Variants in ESRRG observed in about 807,000 individuals in gnomAD.
ESRRG encodes estrogen related receptor gamma, also known as estrogen-related receptor gamma.
ESRRG carries 13 observed loss-of-function variants against 44.0 expected under a neutral mutation model. That is an observed-to-expected ratio of 0.30 (90% CI 0.19 to 0.47). The LOEUF is 0.47. Among genes scored for constraint, ESRRG ranks in the 20% least tolerant of loss-of-function variants. ESRRG has a pLI of 1.00. For missense variants in ESRRG, 395 were observed against 580.6 expected (o/e 0.68, Z 3.29); for synonymous variants, 215 against 214.6 (o/e 1.00, Z -0.02).
chr1:216,616,577 A>G (rs1475032779), intron 3 of ESRRG, among the ~76,000 whole-genome samples: 1 of 152,224 alleles, frequency 6.6e-6, no homozygotes, highest in Admixed American at 6.5e-5. Context: ...CAGGCTTGCC[A>G]ACTGGCTGCA....
chr1:216,986,708 T>G (rs368708062), intron 1 of ESRRG, among the ~76,000 whole-genome samples: 1 of 151,686 alleles, frequency 6.6e-6, no homozygotes, highest in Non-Finnish European at 1.5e-5. Flanking sequence ...GCCTGGGCAA[T>G]AGAGAGAGAC....
At chr1:216,933,425 G>A (rs1156271890) in intron 2 of ESRRG, among the ~76,000 whole-genome samples, 3 of 151,248 alleles carry the variant, frequency 2.0e-5, no homozygotes, top group Admixed American at 6.6e-5. Flanking sequence ...TTAAGAACTG[G>A]CTCTCAAATG....
intron 2 of ESRRG, among the ~76,000 whole-genome samples, chr1:216,742,580 C>T (rs560005438): frequency 6.6e-6 from 1 of 151,906 alleles, no homozygotes; most frequent in East Asian, 1.9e-4. Flanking sequence ...CTCCATCCGA[C>T]CCTTTCATAC....
intron 1 of ESRRG, chr1:217,078,145 G>A (rs2091471781): frequency 6.6e-6 from 1 of 152,178 alleles, no homozygotes; most frequent in Non-Finnish European, 1.5e-5. Flanking sequence ...CACGTTCTGG[G>A]TTCTTCCAAG....
In ESRRG at chr1:216,504,384, A is replaced by G. The variant is rs1230465801; in HGVS notation, c.*2555T>C. On this transcript the variant is annotated 3_prime_UTR_variant, in exon 7 of 7. Coordinates refer to ENST00000408911, the MANE Select transcript of ESRRG (RefSeq NM_001438.4). The stretch of plus-strand genomic sequence containing the variant: ...GGGATGTGCCAATTTCTGAACTCCT[A>G]TCACAGCTATAAATTTCAAGTTATT... 6.6e-6 allele frequency: 1 copy of G among 152,498 alleles called. No individual in the cohort carries two copies. Among genetic ancestry groups the G allele is most frequent in the East Asian group, 1.9e-4 (1 of 5,180 alleles). 9.4% of individuals were successfully genotyped at this position (152,498 alleles called of 1,614,324 possible).
intron 2 of ESRRG, among the ~76,000 whole-genome samples, chr1:216,821,453 A>T (rs2095285513): frequency 6.6e-6 from 1 of 151,928 alleles, no homozygotes; most frequent in Non-Finnish European, 1.5e-5. Context: ...TGTGGGGCCA[A>T]GGTGGGAGGA....
At chr1:217,062,652 C>T (rs919680498) in intron 1 of ESRRG, among the ~76,000 whole-genome samples, 9 of 152,166 alleles carry the variant, frequency 5.9e-5, no homozygotes, top group Non-Finnish European at 1.2e-4. Context: ...AGTGTCAGAG[C>T]TTGAGGTCTT....
chr1:216,820,661 T>C (rs559929449), intron 2 of ESRRG, among the ~76,000 whole-genome samples: 1 of 152,338 alleles, frequency 6.6e-6, no homozygotes, highest in Admixed American at 6.5e-5. Context: ...CTTTGCTGAG[T>C]ATATCCAGCC....
At chr1:217,002,995 C>G (rs1344556241) in intron 1 of ESRRG, among the ~76,000 whole-genome samples, 1 of 152,158 alleles carries the variant, frequency 6.6e-6, no homozygotes, top group Non-Finnish European at 1.5e-5. Flanking sequence ...TTTTGTTACT[C>G]AAGCGCAGAT....
intron 2 of ESRRG, among the ~76,000 whole-genome samples, chr1:216,893,930 T>C (rs1163070850): frequency 1.3e-5 from 2 of 152,192 alleles, no homozygotes; most frequent in African/African-American, 4.8e-5. Flanking sequence ...CTAAATGCAA[T>C]GTAATGTTTG....
At chr1:216,857,140 C>T (rs2095958438) in intron 2 of ESRRG, among the ~76,000 whole-genome samples, 2 of 152,010 alleles carry the variant, frequency 1.3e-5, no homozygotes, top group South Asian at 2.1e-4. Context: ...AAAGGCATTG[C>T]TATGCAAGAA....
intron 2 of ESRRG, among the ~76,000 whole-genome samples, chr1:216,732,023 A>G (rs1378420600): frequency 1.3e-5 from 2 of 152,128 alleles, no homozygotes; most frequent in Non-Finnish European, 2.9e-5. Flanking sequence ...TAATTTTTAT[A>G]TGTTTAAAAT....
intron 2 of ESRRG, among the ~76,000 whole-genome samples, chr1:216,802,124 T>C (rs966389301): frequency 6.6e-6 from 1 of 152,070 alleles, no homozygotes; most frequent in Non-Finnish European, 1.5e-5. Context: ...CCATCCAGTG[T>C]AGTGACTGCA....
chr1:216,513,448 AC>A (rs2043300510), intron 6 of ESRRG, among the ~76,000 whole-genome samples: 2 of 152,208 alleles, frequency 1.3e-5, no homozygotes, highest in Non-Finnish European at 2.9e-5. Flanking sequence ...AACCATGGTG[AC>A]AATAATATAA....
intron 2 of ESRRG, among the ~76,000 whole-genome samples, chr1:216,770,837 C>T (rs984718114): frequency 2.6e-5 from 4 of 151,996 alleles, no homozygotes; most frequent in Non-Finnish European, 5.9e-5. Context: ...CCTGTCTATC[C>T]GTTTATCTTT....
intron 6 of ESRRG, among the ~76,000 whole-genome samples, chr1:216,512,184 A>G (rs926505941): frequency 2.0e-5 from 3 of 152,228 alleles, no homozygotes; most frequent in African/African-American, 7.2e-5. Context: ...AGAGACAGAA[A>G]CAAACATTAT....
chr1:216,623,083 T>TG (rs1184986939), intron 3 of ESRRG, among the ~76,000 whole-genome samples: 1 of 131,542 alleles, frequency 7.6e-6, no homozygotes, highest in East Asian at 2.1e-4. Flanking sequence ...TAAACTTTTT[T>TG]TTTTTTTTTT....
intron 5 of ESRRG, among the ~76,000 whole-genome samples, chr1:216,548,986 T>C (rs11117612): frequency 0.29 from 44,027 of 152,056 alleles, 7,363 homozygotes; most frequent in Admixed American, 0.4. Flanking sequence ...GCAGGCCAAA[T>C]GATTGGTACT....
intron 3 of ESRRG, among the ~76,000 whole-genome samples, chr1:216,608,197 T>G (rs559907056): frequency 2.0e-5 from 3 of 152,324 alleles, no homozygotes; most frequent in Non-Finnish European, 4.4e-5. Flanking sequence ...TAATTTGAAT[T>G]TAGAAACCCA....
Sources: allele counts gnomAD v4.1 joint callset (sites outside exome capture counted in the v4.1 genomes callset), GRCh38; gene constraint gnomAD v4.1.1; transcripts MANE v1.5; gene names NCBI Gene and HGNC (gene_info 2026-07-23, HGNC 2026-07-21).